Variants in DLGAP4 observed in about 807,000 individuals in gnomAD.
DLGAP4 encodes the protein DLG associated protein 4.
DLGAP4 carries 18 observed loss-of-function variants against 86.9 expected under a neutral mutation model. That is an observed-to-expected ratio of 0.21 (90% CI 0.14 to 0.31). DLGAP4 has a LOEUF of 0.31. DLGAP4 is among the 10% of genes least tolerant of loss of function. The pLI, the probability that DLGAP4 is intolerant of heterozygous loss-of-function variation, is 1.00. For missense variants in DLGAP4, 1,085 were observed against 1,362.6 expected (o/e 0.80, Z 3.21); for synonymous variants, 548 against 574.3 (o/e 0.95, Z 0.65).
chr20:36,395,155 A>G (rs564012227), intron 2 of DLGAP4, among the ~76,000 whole-genome samples: 1 of 152,100 alleles, frequency 6.6e-6, no homozygotes, highest in South Asian at 2.1e-4. Flanking sequence ...CACAAGACCC[A>G]CCCGTCACTT....
At chr20:36,426,128 A>G (rs758780216) in intron 2 of DLGAP4, among the ~76,000 whole-genome samples, 1 of 152,238 alleles carries the variant, frequency 6.6e-6, no homozygotes, top group Non-Finnish European at 1.5e-5. Context: ...GCTACGTGAA[A>G]TAGGTCAGAC....
chr20:36,462,378 G>A (rs2034127612), intron 7 of DLGAP4: 1 of 1,401,722 alleles, frequency 7.1e-7, no homozygotes, highest in Non-Finnish European at 9.2e-7. Context: ...CATCTGTCTC[G>A]GTGGTCTCGC....
chr20:36,395,396 A>G (rs556975911), intron 2 of DLGAP4, among the ~76,000 whole-genome samples: 50 of 152,326 alleles, frequency 3.3e-4, no homozygotes, highest in Non-Finnish European at 6.0e-4. Context: ...GTAGGAGCTC[A>G]GTATCCAAAT....
chr20:36,408,035 A>G (rs1295580935), intron 2 of DLGAP4, among the ~76,000 whole-genome samples: 1 of 151,898 alleles, frequency 6.6e-6, no homozygotes, highest in Non-Finnish European at 1.5e-5. Flanking sequence ...GTGTTCTCGG[A>G]GCTCCAAAGG....
At chr20:36,483,734 G>A (rs2035290928) in intron 7 of DLGAP4, among the ~76,000 whole-genome samples, 1 of 152,186 alleles carries the variant, frequency 6.6e-6, no homozygotes, top group African/African-American at 2.4e-5. Context: ...GAGCATGTGG[G>A]GCCATGTGTC....
intron 2 of DLGAP4, among the ~76,000 whole-genome samples, chr20:36,402,599 T>C (rs2032194024): frequency 1.3e-5 from 2 of 152,036 alleles, no homozygotes; most frequent in African/African-American, 4.8e-5. Context: ...TATTAAAAAA[T>C]TAGCTGGACA....
At chr20:36,416,810 G>A (rs1296390064) in intron 2 of DLGAP4, among the ~76,000 whole-genome samples, 2 of 152,070 alleles carry the variant, frequency 1.3e-5, no homozygotes, top group Admixed American at 1.3e-4. Flanking sequence ...CAGACATGGA[G>A]AAGAAGCAAA....
At chr20:36,415,883 T>C (rs1034662369) in intron 2 of DLGAP4, among the ~76,000 whole-genome samples, 13 of 152,118 alleles carry the variant, frequency 8.5e-5, no homozygotes, top group Admixed American at 2.6e-4. Flanking sequence ...GCCATGATCA[T>C]CATCAGGATC....
chr20:36,462,277 T>G (rs963520913), intron 7 of DLGAP4: 6 of 1,295,754 alleles, frequency 4.6e-6, no homozygotes, highest in Middle Eastern at 2.8e-4. Flanking sequence ...CCTGTCGCTG[T>G]CTCTCCTTGT....
chr20:36,371,498 G>A (rs373589763), intron 2 of DLGAP4, among the ~76,000 whole-genome samples: 2 of 152,322 alleles, frequency 1.3e-5, no homozygotes, highest in African/African-American at 4.8e-5. Context: ...GTCCAAGATG[G>A]CCCTCTCTAA....
Position 36,345,278 on chromosome 20 carries a change from T to C in DLGAP4, c.-303-21767T>C, listed in dbSNP as rs1600417983. 1.3e-5 allele frequency among the ~76,000 whole-genome samples: 2 copies of C among 152,182 alleles called. 1 individual carries two copies. Among genetic ancestry groups the C allele is most frequent in the South Asian group, 4.1e-4 (2 of 4,824 alleles). On this transcript the variant is annotated intron_variant, in intron 1 of 12. Transcript: ENST00000339266. ...ATTGGCTTCTGGAGGAATCGCTTTT[T>C]TTCCTTCCTCACAGGTGCCATAATT...
At chr20:36,352,445 C>T (rs1355913296) in intron 1 of DLGAP4, among the ~76,000 whole-genome samples, 4 of 37,790 alleles carry the variant, frequency 1.1e-4, no homozygotes, top group Non-Finnish European at 1.9e-4. Context: ...GGCTGGGACT[C>T]GGTGGCAGAG....
chr20:36,431,655 C>A lies in DLGAP4; in HGVS notation c.-63C>A. ...TGTCTTCTCTCCCTAGGATAGCTGC[C>A]GCCCGGGAGAGGTGACCCGGGCGCC... On this transcript the variant is annotated 5_prime_UTR_variant, in exon 3 of 13. Transcript: ENST00000339266. The surrounding 1 kb of genome is among the most constrained non-coding windows in gnomAD (Gnocchi z 5.1). 2 of 1,503,020 alleles carry A rather than the reference C, an allele frequency of 1.3e-6. No individual in the cohort carries two copies. The highest frequency in any genetic ancestry group is 2.7e-5 in the South Asian group (2 of 75,036). 93.1% of individuals were successfully genotyped at this position (1,503,020 alleles called of 1,614,324 possible).
intron 7 of DLGAP4, among the ~76,000 whole-genome samples, chr20:36,475,513 A>G (rs1295703249): frequency 1.3e-5 from 2 of 152,116 alleles, no homozygotes; most frequent in Non-Finnish European, 2.9e-5. Flanking sequence ...CCGGCTCTCC[A>G]TACAATCTCT....
At chr20:36,480,792 G>T (rs1314297262) in intron 7 of DLGAP4, among the ~76,000 whole-genome samples, 1 of 152,134 alleles carries the variant, frequency 6.6e-6, no homozygotes, top group Admixed American at 6.5e-5. Flanking sequence ...AATTGCTTAA[G>T]CCCAGGAGTT....
At chr20:36,457,242 G>A (rs1372359506) in intron 7 of DLGAP4, among the ~76,000 whole-genome samples, 1 of 151,590 alleles carries the variant, frequency 6.6e-6, no homozygotes, top group Non-Finnish European at 1.5e-5. Context: ...TTTTTAAGAC[G>A]GAGTCTCACT....
chr20:36,517,817 G>A (rs1215941013), intron 10 of DLGAP4, among the ~76,000 whole-genome samples: 2 of 152,146 alleles, frequency 1.3e-5, no homozygotes, highest in African/African-American at 4.8e-5. Context: ...TTGTTCATGA[G>A]ACATTGGCTT....
intron 1 of DLGAP4, among the ~76,000 whole-genome samples, chr20:36,322,833 A>T (rs1433623690): frequency 6.6e-6 from 1 of 152,164 alleles, no homozygotes; most frequent in Non-Finnish European, 1.5e-5. Context: ...GTATAGCTTG[A>T]TATATGTGTA....
At chr20:36,356,374 C>T (rs782483949) in intron 1 of DLGAP4, among the ~76,000 whole-genome samples, 1 of 152,178 alleles carries the variant, frequency 6.6e-6, no homozygotes, top group African/African-American at 2.4e-5. Context: ...TGCAATGGTG[C>T]GATCTTGGCT....
Sources: gnomAD v4.1 joint callset for allele counts (sites outside exome capture counted in the v4.1 genomes callset) on GRCh38, gnomAD v4.1.1 for gene constraint, Gnocchi (gnomAD v3.1) non-coding constraint, MANE v1.5 for transcripts, NCBI Gene and HGNC (gene_info 2026-07-23, HGNC 2026-07-21) for gene names.